Variants in RAI14 observed in about 807,000 individuals in gnomAD.
RAI14 encodes ankycorbin.
RAI14 carries 45 observed loss-of-function variants against 115.4 expected under a neutral mutation model. That is an observed-to-expected ratio of 0.39 (90% CI 0.31 to 0.50). RAI14 has a LOEUF of 0.50. RAI14 is among the 20% of genes least tolerant of loss of function. RAI14 has a pLI of 0.85. For synonymous variants in RAI14, 371 were observed against 415.4 expected, an observed-to-expected ratio of 0.89 and a Z score of 1.30; for missense variants, 939 against 1,131.2, an observed-to-expected ratio of 0.83 and a Z score of 2.44.
chr5:34,819,907 A>G (rs932833802), intron 13 of RAI14, among the ~76,000 whole-genome samples: 1 of 152,162 alleles, frequency 6.6e-6, no homozygotes, highest in African/African-American at 2.4e-5. Context: ...CCGGCCCTAG[A>G]AACATTAAAC....
chr5:34,682,153 C>A (rs1415072313), intron 1 of RAI14, among the ~76,000 whole-genome samples: 1 of 151,972 alleles, frequency 6.6e-6, no homozygotes, highest in Non-Finnish European at 1.5e-5. Context: ...CCGTACCTGG[C>A]TAACCTGGAA....
intron 16 of RAI14, among the ~76,000 whole-genome samples, chr5:34,828,678 G>A (rs1041218732): frequency 2.0e-5 from 3 of 152,086 alleles, no homozygotes; most frequent in African/African-American, 7.2e-5. Flanking sequence ...TGAATTAGGA[G>A]GACAGGTTCT....
chr5:34,750,145 T>A (rs905852149), intron 2 of RAI14, among the ~76,000 whole-genome samples: 2 of 152,090 alleles, frequency 1.3e-5, no homozygotes, highest in Non-Finnish European at 2.9e-5. Context: ...ATTCTCAGGA[T>A]AATTTACAAG....
chr5:34,789,207 G>A (rs1192434614), intron 3 of RAI14, among the ~76,000 whole-genome samples: 2 of 152,148 alleles, frequency 1.3e-5, no homozygotes, highest in African/African-American at 4.8e-5. Context: ...CATCTAGATA[G>A]AGCGGCCCCA....
At chr5:34,792,635 A>C (rs1376917764) in intron 3 of RAI14, among the ~76,000 whole-genome samples, 1 of 152,208 alleles carries the variant, frequency 6.6e-6, no homozygotes, top group Non-Finnish European at 1.5e-5. Context: ...TGGATGTTAG[A>C]ATTTTCTTGC....
chr5:34,723,718 A>G (rs1743098860), intron 2 of RAI14, among the ~76,000 whole-genome samples: 1 of 152,196 alleles, frequency 6.6e-6, no homozygotes, highest in Admixed American at 6.5e-5. Context: ...AATGTTAACA[A>G]TGTGTTTTTA....
In RAI14 at chr5:34,726,341, T is replaced by A. The variant is rs1743464071; in HGVS notation, c.37-31127T>A. On this transcript the variant is annotated intron_variant, in intron 2 of 17. Coordinates refer to ENST00000265109, the MANE Select transcript of RAI14 (RefSeq NM_015577.3). Reference sequence around the variant, plus strand: ...ATGCCTGGGGAGGCCTCATGAAACTTATGGTGGAAGGGTGAAGGGGAAGCA... The same window carrying A: ...ATGCCTGGGGAGGCCTCATGAAACTAATGGTGGAAGGGTGAAGGGGAAGCA... Among the ~76,000 whole-genome samples the A allele has an allele frequency of 3.9e-5, 6 of 152,206 alleles. No homozygotes were observed. In the South Asian group the frequency reaches 1.2e-3, roughly 32 times the overall value.
At chr5:34,696,077 C>T (rs576093286) in intron 2 of RAI14, among the ~76,000 whole-genome samples, 1 of 152,170 alleles carries the variant, frequency 6.6e-6, no homozygotes. Context: ...GCCTTGGCAT[C>T]CCAAAGTTCT....
At chr5:34,733,668 C>T (rs952605740) in intron 2 of RAI14, among the ~76,000 whole-genome samples, 2 of 152,176 alleles carry the variant, frequency 1.3e-5, no homozygotes, top group African/African-American at 4.8e-5. Flanking sequence ...CTCCTTCTGC[C>T]TCTTTCTCAT....
At chr5:34,781,063 C>G (rs566491333) in intron 3 of RAI14, among the ~76,000 whole-genome samples, 5 of 151,946 alleles carry the variant, frequency 3.3e-5, no homozygotes, top group Admixed American at 6.6e-5. Context: ...AGTTCATGTC[C>G]TTTGTAGGGA....
intron 3 of RAI14, among the ~76,000 whole-genome samples, chr5:34,773,932 A>G (rs1371173323): frequency 6.6e-6 from 1 of 152,238 alleles, no homozygotes; most frequent in Non-Finnish European, 1.5e-5. Flanking sequence ...AGTCCTAGCT[A>G]AAGCAATCAG....
chr5:34,723,932 T>A (rs533910567), intron 2 of RAI14, among the ~76,000 whole-genome samples: 1 of 152,350 alleles, frequency 6.6e-6, no homozygotes, highest in South Asian at 2.1e-4. Context: ...TGGTCTATGC[T>A]TTTTTGCCTT....
At chr5:34,727,544 T>C (rs1191646971) in intron 2 of RAI14, among the ~76,000 whole-genome samples, 3 of 152,110 alleles carry the variant, frequency 2.0e-5, no homozygotes, top group African/African-American at 7.2e-5. Flanking sequence ...CCTAGGAGAA[T>C]AAAATGGTTT....
intron 2 of RAI14, among the ~76,000 whole-genome samples, chr5:34,720,961 A>G (rs6451164): frequency 0.25 from 38,288 of 151,540 alleles, 5,141 homozygotes; most frequent in African/African-American, 0.35. Flanking sequence ...GAGTAGCTGG[A>G]ATTACAGGAG....
In RAI14 at chr5:34,823,805, G is replaced by T; in HGVS notation, c.1963G>T (p.Ala655Ser). The change falls in exon 15 of 18, where the codon GCC becomes TCC. Residue 655 changes from alanine (A) to serine (S), a missense_variant. Coordinates refer to ENST00000265109, the MANE Select transcript of RAI14 (RefSeq NM_015577.3). The surrounding 1 kb of genome is among the most constrained non-coding windows in gnomAD (Gnocchi z 4.5). The stretch of plus-strand genomic sequence containing the variant: ...CGAGCTGTCACAGCTGTACAAAGAA[G>T]CCCAGGCTGAGCTGGAGGATTACAG... ...VSELSQLYKE[A>S]QAELEDYRKR... is the part of the protein sequence containing the mutation. 1 of 1,614,128 alleles carries T rather than the reference G, an allele frequency of 6.2e-7. No homozygotes were observed. The highest frequency in any genetic ancestry group is 2.2e-5 in the East Asian group (1 of 44,876).
chr5:34,823,971 T>C lies in RAI14; in HGVS notation c.2129T>C (p.Leu710Ser). ...ATGAAGTCTCAGTATTCAAAAGTGT[T>C]GAATGAGTTGACCCAGCTCAAACAA... ...SEMKSQYSKV[L>S]NELTQLKQLV... The change falls in exon 15 of 18, where the codon TTG becomes TCG. Residue 710 changes from leucine to serine, a missense_variant. Coordinates refer to ENST00000265109, the MANE Select transcript of RAI14 (RefSeq NM_015577.3). This position sits in a 1 kb window ranked among gnomAD's most constrained non-coding sequence, Gnocchi z 4.5. The C allele has an allele frequency of 6.2e-7, 1 of 1,614,068 alleles. No individual in the cohort carries two copies. The highest frequency in any genetic ancestry group is 8.5e-7 in the Non-Finnish European group (1 of 1,179,938).
At chr5:34,691,474 G>A (rs1200946266) in intron 2 of RAI14, among the ~76,000 whole-genome samples, 1 of 152,120 alleles carries the variant, frequency 6.6e-6, no homozygotes, top group Non-Finnish European at 1.5e-5. Context: ...CTAGTATGTG[G>A]TTCCACATGG....
At chr5:34,689,441 C>T (rs1043600198) in intron 2 of RAI14, among the ~76,000 whole-genome samples, 2 of 152,066 alleles carry the variant, frequency 1.3e-5, no homozygotes, top group Non-Finnish European at 2.9e-5. Flanking sequence ...TAGGGAGTAG[C>T]TTTAAAAGCG....
At chr5:34,830,139 C>T (rs993427559) in intron 17 of RAI14, among the ~76,000 whole-genome samples, 6 of 152,222 alleles carry the variant, frequency 3.9e-5, no homozygotes, top group South Asian at 2.1e-4. Context: ...TACCCACCAC[C>T]GTACCTGGCA....
Sources: allele counts gnomAD v4.1 joint callset (sites outside exome capture counted in the v4.1 genomes callset), GRCh38; gene constraint gnomAD v4.1.1; non-coding constraint Gnocchi (gnomAD v3.1); transcripts MANE v1.5; gene names NCBI Gene and HGNC (gene_info 2026-07-23, HGNC 2026-07-21).